EXOSC10: variants seen among roughly 807,000 people sequenced by gnomAD.
The protein encoded by EXOSC10 is exosome component 10.
Under a neutral mutation model 126.6 loss-of-function variants are expected in EXOSC10, and 94 were observed. The observed-to-expected ratio is 0.74, with a 90% CI of 0.63 to 0.88. The LOEUF (loss-of-function observed/expected upper bound fraction) is 0.88, where lower values mean the gene tolerates loss of function less well. Ranked by LOEUF, EXOSC10 falls within the 40% of genes least tolerant of loss-of-function variation. The pLI is 0.00. For missense variants in EXOSC10, 1,041 were observed against 1,100.5 expected, an observed-to-expected ratio of 0.95 and a Z score of 0.77; for synonymous variants, 395 against 400.8, an observed-to-expected ratio of 0.99 and a Z score of 0.17.
chr1:11,097,019 C>T (rs1226813315), intron 2 of EXOSC10, among the ~76,000 whole-genome samples: 1 of 152,140 alleles, frequency 6.6e-6, no homozygotes, highest in African/African-American at 2.4e-5. Context: ...CGAGACCAGC[C>T]TGGCCAACAT....
intron 20 of EXOSC10, chr1:11,071,318 G>T: frequency 3.4e-6 from 1 of 289,982 alleles, no homozygotes. Context: ...TTGGCTGCCA[G>T]CAACTCCAGC....
intron 5 of EXOSC10, 42 bp from the exon 6 acceptor site, chr1:11,090,710 A>G: frequency 7.0e-7 from 1 of 1,419,204 alleles, no homozygotes; most frequent in Non-Finnish European, 9.7e-7. Flanking sequence ...TAGCACATTC[A>G]TGTCTTTTCT....
At position 11,070,984 on chromosome 1, in the gene EXOSC10, G is replaced by C; in HGVS notation, c.2243-11C>G. On this transcript the variant is annotated splice_polypyrimidine_tract_variant and intron_variant, in intron 20 of 24. Transcript: ENST00000376936. Reference sequence around the variant, plus strand: ...CCTGTTCCCGGGCAGCTGCAAGGGAGAGAACTTGTCTCTGGAGTTGGTGAA... The same window carrying C: ...CCTGTTCCCGGGCAGCTGCAAGGGACAGAACTTGTCTCTGGAGTTGGTGAA... 1 of 1,613,344 alleles carries C rather than the reference G, an allele frequency of 6.2e-7. No individual in the cohort carries two copies. The highest frequency in any genetic ancestry group is 8.5e-7 in the Non-Finnish European group (1 of 1,179,690).
chr1:11,071,060 C>T, intron 20 of EXOSC10, 87 bp from the exon 21 acceptor site: 1 of 1,231,454 alleles, frequency 8.1e-7, no homozygotes. Context: ...CTTGGCCTAG[C>T]CACAGGGGTT....
At position 11,082,881 on chromosome 1, in the gene EXOSC10, G is replaced by T; in HGVS notation, c.1090-3C>A. On this transcript the variant is annotated splice_polypyrimidine_tract_variant and splice_region_variant and intron_variant, in intron 9 of 24. Transcript: ENST00000376936. ...TCTGAATCAGCACCATGAAAGACCT[G>T]AAAACAGAACCAAAGTCATGCAGTA... 1 of 1,613,304 alleles carries T rather than the reference G, an allele frequency of 6.2e-7. No homozygotes were observed. The highest frequency in any genetic ancestry group is 1.1e-5 in the South Asian group (1 of 91,056).
Position 11,089,174 on chromosome 1 carries a change from T to C in EXOSC10, c.759-976A>G, listed in dbSNP as rs566777431. 5.1e-5 allele frequency among the ~76,000 whole-genome samples: 7 copies of C among 137,910 alleles called. No individual in the cohort carries two copies. The South Asian group carries it at 1.5e-3, about 30-fold the overall frequency. The allele number at this position is 137,910 out of a possible 152,430, so 90.5% of individuals were successfully genotyped here. A position where few individuals can be genotyped will look rare whatever the true frequency, so the allele number is the denominator to read the frequency against. On this transcript the variant is annotated intron_variant, in intron 6 of 24. Coordinates refer to ENST00000376936, the MANE Select transcript of EXOSC10 (RefSeq NM_001001998.3). ...TGAGCCCCAGGGTTCAAGGCTACAG[T>C]GAGCTATGATTGCACTACGGCACCC...
intron 24 of EXOSC10, among the ~76,000 whole-genome samples, chr1:11,067,756 G>A (rs575089874): frequency 6.6e-6 from 1 of 152,260 alleles, no homozygotes; most frequent in South Asian, 2.1e-4. Flanking sequence ...ACGGTAACTA[G>A]AGAGCCAGGA....
chr1:11,090,214 T>C (rs1182006950), intron 6 of EXOSC10, among the ~76,000 whole-genome samples: 3 of 152,096 alleles, frequency 2.0e-5, no homozygotes, highest in South Asian at 2.1e-4. Context: ...GCCAGGCTGG[T>C]CTCGAACTCC....
chr1:11,067,230 G>A (rs1639148034), intron 24 of EXOSC10, among the ~76,000 whole-genome samples: 1 of 152,200 alleles, frequency 6.6e-6, no homozygotes. Flanking sequence ...AGGAGATCGA[G>A]ACCATCCTGG....
chr1:11,087,315 T>A lies in EXOSC10; in HGVS notation c.1089+133A>T, dbSNP rs904055059. The A allele has an allele frequency of 1.1e-4, 116 of 1,067,444 alleles. No individual in the cohort carries two copies. The African/African-American group carries it at 1.6e-3, about 14-fold the overall frequency. The allele number at this position is 1,067,444 out of a possible 1,614,324, so 66.1% of individuals were successfully genotyped here. On this transcript the variant is annotated intron_variant, in intron 9 of 24. Transcript: ENST00000376936. ...TTTAGAAACAAAAGCCATTTAGCAC[T>A]GTACCCTAGTTAGGAAATGACATGA... is the stretch of plus-strand genomic sequence containing the variant.
Position 11,095,877 on chromosome 1 carries a change from T to A in EXOSC10, c.253A>T (p.Ser85Cys). The change falls in exon 3 of 25, where the codon AGC (serine) becomes TGC (cysteine). Residue 85 changes from serine (S) to cysteine (C), a missense_variant. Physicochemically the swap from Ser to Cys is moderately radical, Grantham distance 112. This residue lies in a region of EXOSC10 where 645 missense variants were observed against 656.3 expected (regional missense o/e 0.98). Coordinates refer to ENST00000376936, the MANE Select transcript of EXOSC10 (RefSeq NM_001001998.3). ...CACCCATGGTACTGCATTACTCTGC[T>A]CATGCTAAGGAAAGGAAAACCAAGG... Reference protein sequence around the residue: ...TQGDRLLQCMSRVMQYHGCRS... With the variant: ...TQGDRLLQCMCRVMQYHGCRS... 6.2e-7 allele frequency: 1 copy of A among 1,612,368 alleles called. No individual in the cohort carries two copies. Among genetic ancestry groups the A allele is most frequent in the Non-Finnish European group, 8.5e-7 (1 of 1,178,660 alleles).
At chr1:11,068,855 C>A in intron 22 of EXOSC10, 149 bp from the exon 23 acceptor site, 1 of 678,214 alleles carries the variant, frequency 1.5e-6, no homozygotes, top group East Asian at 2.6e-5. Flanking sequence ...GCTCATGGCT[C>A]ACATAAATGA....
At chr1:11,078,769 G>A (rs1418075553) in intron 14 of EXOSC10, among the ~76,000 whole-genome samples, 1 of 152,128 alleles carries the variant, frequency 6.6e-6, no homozygotes, top group Non-Finnish European at 1.5e-5. Flanking sequence ...CCTCTGCTGA[G>A]GTCACCGCTC....
chr1:11,094,685 T>C (rs1476550269), intron 3 of EXOSC10, among the ~76,000 whole-genome samples: 1 of 145,940 alleles, frequency 6.9e-6, no homozygotes, highest in Non-Finnish European at 1.5e-5. Flanking sequence ...ACTGCAACCT[T>C]GGCCTCCCGG....
intron 17 of EXOSC10, 71 bp downstream of exon 17, chr1:11,076,771 C>T: frequency 8.4e-7 from 1 of 1,187,802 alleles, no homozygotes; most frequent in Non-Finnish European, 1.2e-6. Context: ...TCCAGGCAGA[C>T]AGCCTGCTGA....
chr1:11,087,613 G>C (rs781656210), intron 8 of EXOSC10, 22 bp from the exon 9 acceptor site: 2 of 1,611,364 alleles, frequency 1.2e-6, no homozygotes, highest in African/African-American at 2.7e-5. Flanking sequence ...AGAAGGAGGG[G>C]AGAAGAGGAA....
chr1:11,074,388 A>G (rs1051184211), intron 17 of EXOSC10, 62 bp from the exon 18 acceptor site: 1 of 1,146,856 alleles, frequency 8.7e-7, no homozygotes, highest in East Asian at 2.3e-5. Flanking sequence ...TCAAGATGCA[A>G]GCAAGAGAGC....
intron 23 of EXOSC10, 106 bp downstream of exon 23, chr1:11,068,539 G>C: frequency 1.2e-6 from 1 of 854,596 alleles, no homozygotes; most frequent in Admixed American, 1.9e-5. Flanking sequence ...TGAGGAAAAA[G>C]ATATGCAAAG....
At chr1:11,085,482 C>CTT (rs1269241493) in intron 9 of EXOSC10, among the ~76,000 whole-genome samples, 3 of 152,164 alleles carry the variant, frequency 2.0e-5, no homozygotes, top group Non-Finnish European at 4.4e-5. Flanking sequence ...TATCCTGAGA[C>CTT]TTTGCTGAAG....
Sources: gnomAD v4.1 joint callset for allele counts (sites outside exome capture counted in the v4.1 genomes callset) on GRCh38, gnomAD v4.1.1 for gene constraint, gnomAD v4.1.1 regional missense constraint, MANE v1.5 for transcripts, NCBI Gene and HGNC (gene_info 2026-07-23, HGNC 2026-07-21) for gene names.